OPCML: variants seen among roughly 807,000 people sequenced by gnomAD.
The protein encoded by OPCML is opioid-binding protein/cell adhesion molecule.
OPCML carries 13 observed loss-of-function variants against 37.8 expected under a neutral mutation model. The ratio of observed to expected loss-of-function variants is 0.34; its 90% CI spans 0.22 to 0.55. The LOEUF (loss-of-function observed/expected upper bound fraction) is 0.55. Ranked by LOEUF, OPCML falls within the 20% of genes least tolerant of loss-of-function variation. The pLI, the probability that OPCML is intolerant of heterozygous loss-of-function variation, is 0.91. For synonymous variants in OPCML, 176 were observed against 168.8 expected (o/e 1.04, Z -0.33); for missense variants, 341 against 435.6 (o/e 0.78, Z 1.93).
chr11:132,762,063 GC>G (rs1946284176), intron 2 of OPCML, among the ~76,000 whole-genome samples: 1 of 152,164 alleles, frequency 6.6e-6, no homozygotes, highest in Non-Finnish European at 1.5e-5. Flanking sequence ...TAACAGTCAG[GC>G]CCCTCTTCTG....
chr11:132,533,966 C>G (rs565641938), intron 3 of OPCML, among the ~76,000 whole-genome samples: 1 of 152,282 alleles, frequency 6.6e-6, no homozygotes, highest in South Asian at 2.1e-4. Context: ...TCCTATTATA[C>G]ACACAATGAC....
At chr11:133,508,778 G>A (rs1948093095) in intron 1 of OPCML, among the ~76,000 whole-genome samples, 1 of 152,184 alleles carries the variant, frequency 6.6e-6, no homozygotes, top group South Asian at 2.1e-4. Context: ...ATGCAGCTGG[G>A]TGCGCACCAA....
intron 1 of OPCML, among the ~76,000 whole-genome samples, chr11:133,223,074 CAGCCAAA>C (rs1592119096): frequency 1.3e-5 from 2 of 152,342 alleles, no homozygotes; most frequent in East Asian, 3.9e-4. Context: ...CCAACCAGTT[CAGCCAAA>C]AGTGAGGGTG....
intron 2 of OPCML, among the ~76,000 whole-genome samples, chr11:132,864,288 C>T (rs1942432752): frequency 6.6e-6 from 1 of 152,068 alleles, no homozygotes; most frequent in South Asian, 2.1e-4. Flanking sequence ...GTTTTGTGTA[C>T]CTGTTCTCCA....
intron 4 of OPCML, among the ~76,000 whole-genome samples, chr11:132,475,114 A>C (rs1295690124): frequency 1.3e-5 from 2 of 152,146 alleles, no homozygotes; most frequent in South Asian, 4.1e-4. Flanking sequence ...ATTCCACTGG[A>C]GAGAAGCAAA....
At chr11:132,903,003 A>G (rs1241399929) in intron 2 of OPCML, among the ~76,000 whole-genome samples, 2 of 152,036 alleles carry the variant, frequency 1.3e-5, no homozygotes, top group Non-Finnish European at 2.9e-5. Flanking sequence ...GCTCTAGGCA[A>G]TTGTTTCTTG....
At chr11:132,479,919 A>G (rs1030859247) in intron 4 of OPCML, among the ~76,000 whole-genome samples, 2 of 152,278 alleles carry the variant, frequency 1.3e-5, no homozygotes, top group East Asian at 1.9e-4. Context: ...AAAGATGGGG[A>G]AAAAAACAGC....
At chr11:132,946,349 G>T (rs1945744848) in intron 1 of OPCML, among the ~76,000 whole-genome samples, 3 of 152,156 alleles carry the variant, frequency 2.0e-5, no homozygotes. Flanking sequence ...AAGATAAAAA[G>T]TATAGTATAG....
At position 132,991,711 on chromosome 11, in the gene OPCML, C is replaced by T. The variant is rs575991858; in HGVS notation, c.62-48701G>A. Among the ~76,000 whole-genome samples, 14 of 152,276 alleles carry T rather than the reference C, an allele frequency of 9.2e-5. No individual in the cohort carries two copies. The East Asian group carries it at 1.2e-3, about 13-fold the overall frequency. ...TACAGAAACAGCCACAAACCTGAGG[C>T]GTCTGAAGGGAAGGCTCTTCTCCCA... On this transcript the variant is annotated intron_variant, in intron 1 of 7. Coordinates refer to ENST00000524381, the MANE Select transcript of OPCML (RefSeq NM_001012393.5).
At chr11:132,715,202 T>C (rs917803103) in intron 2 of OPCML, among the ~76,000 whole-genome samples, 3 of 152,208 alleles carry the variant, frequency 2.0e-5, no homozygotes, top group African/African-American at 7.2e-5. Context: ...CAGCGCTGGC[T>C]TTTCACTGGG....
At chr11:132,472,326 C>A (rs1247688145) in intron 4 of OPCML, among the ~76,000 whole-genome samples, 1 of 152,124 alleles carries the variant, frequency 6.6e-6, no homozygotes, top group Non-Finnish European at 1.5e-5. Context: ...CAAAAATCTG[C>A]TAAATGTGCA....
chr11:133,289,068 T>A (rs1259748905), intron 1 of OPCML, among the ~76,000 whole-genome samples: 3 of 152,118 alleles, frequency 2.0e-5, no homozygotes, highest in Non-Finnish European at 4.4e-5. Context: ...CAGCCATGAT[T>A]TTGATGAAGA....
rs75734704 is a variant in OPCML at position 133,425,793 on chromosome 11, G to A, written c.61+106471C>T. Reference sequence around the variant, plus strand: ...TAACAAAATAGAGAATAGTAAACACGAATACATTCATCTCCTTGATTTAAC... The same window carrying A: ...TAACAAAATAGAGAATAGTAAACACAAATACATTCATCTCCTTGATTTAAC... On this transcript the variant is annotated intron_variant, in intron 1 of 7. Transcript: ENST00000524381. Among the ~76,000 whole-genome samples the A allele has an allele frequency of 2.7e-3, 407 of 152,134 alleles. 2 individuals are homozygous for A. The highest frequency in any genetic ancestry group is 9.2e-3 in the African/African-American group (380 of 41,512).
chr11:133,507,267 C>T (rs1480806961), intron 1 of OPCML, among the ~76,000 whole-genome samples: 2 of 152,198 alleles, frequency 1.3e-5, no homozygotes, highest in Non-Finnish European at 2.9e-5. Context: ...TCAGCACCTC[C>T]CTCTGTGGAG....
intron 1 of OPCML, among the ~76,000 whole-genome samples, chr11:133,100,610 AACAG>A (rs1298524716): frequency 2.0e-5 from 3 of 152,236 alleles, no homozygotes; most frequent in Admixed American, 6.5e-5. Context: ...TTGGTATTAG[AACAG>A]ACAAATAGAT....
intron 2 of OPCML, among the ~76,000 whole-genome samples, chr11:132,916,749 G>A (rs997420320): frequency 2.0e-5 from 3 of 152,114 alleles, no homozygotes; most frequent in Non-Finnish European, 4.4e-5. Context: ...TTGTAGGGGT[G>A]TTCGAGTGAG....
chr11:132,642,707 C>G (rs1940924357), intron 3 of OPCML, among the ~76,000 whole-genome samples: 1 of 152,116 alleles, frequency 6.6e-6, no homozygotes, highest in South Asian at 2.1e-4. Flanking sequence ...AATGCCCAAC[C>G]TCATGAAGAA....
chr11:133,048,666 A>C (rs753732801), intron 1 of OPCML, among the ~76,000 whole-genome samples: 4 of 152,216 alleles, frequency 2.6e-5, no homozygotes, highest in Non-Finnish European at 5.9e-5. Context: ...TCTTACTGAC[A>C]AGATACCCCA....
chr11:133,064,887 C>T (rs985580254), intron 1 of OPCML: 4 of 152,298 alleles, frequency 2.6e-5, no homozygotes, highest in Admixed American at 2.0e-4. Flanking sequence ...GCTTACGTTG[C>T]GTCCACCAGG....
Sources: allele counts gnomAD v4.1 joint callset (sites outside exome capture counted in the v4.1 genomes callset), GRCh38; gene constraint gnomAD v4.1.1; transcripts MANE v1.5; gene names NCBI Gene and HGNC (gene_info 2026-07-23, HGNC 2026-07-21).